Variants in ZFAT observed in about 807,000 individuals in gnomAD.
ZFAT encodes the protein zinc finger and AT-hook domain containing, also known as zinc finger protein ZFAT.
A neutral mutation model predicts 117.7 loss-of-function variants in ZFAT; 64 were observed. The observed-to-expected ratio is 0.54, with a 90% CI of 0.44 to 0.67. ZFAT has a LOEUF of 0.67. Ranked by LOEUF, ZFAT falls within the 30% of genes least tolerant of loss-of-function variation. The pLI is 0.00. For missense variants in ZFAT, 1,433 were observed against 1,584.5 expected, an observed-to-expected ratio of 0.90 and a Z score of 1.62; for synonymous variants, 679 against 615.0, an observed-to-expected ratio of 1.10 and a Z score of -1.54.
chr8:134,752,368 C>T, the ZFAT span, among the ~76,000 whole-genome samples: 3 of 152,334 alleles, frequency 2.0e-5, no homozygotes, highest in South Asian at 4.1e-4. Flanking sequence ...ACTTACCTCA[C>T]ATGGCACCCC....
intron 3 of ZFAT, among the ~76,000 whole-genome samples, chr8:134,617,503 A>G (rs1828830297): frequency 6.6e-6 from 1 of 152,184 alleles, no homozygotes. Flanking sequence ...ACAACACACT[A>G]AGAACCACGA....
the ZFAT span, among the ~76,000 whole-genome samples, chr8:134,816,484 A>G: frequency 6.7e-6 from 1 of 148,184 alleles, no homozygotes; most frequent in African/African-American, 2.5e-5. Flanking sequence ...AGTAAAAAGA[A>G]AAAAAAAAAA....
intron 8 of ZFAT, 133 bp from the exon 9 acceptor site, chr8:134,588,528 C>A: frequency 9.9e-7 from 1 of 1,013,144 alleles, no homozygotes; most frequent in Admixed American, 3.5e-5. Flanking sequence ...ACAGGATTTT[C>A]ACCTAAAAAG....
intron 11 of ZFAT, among the ~76,000 whole-genome samples, chr8:134,550,259 C>G (rs1269939892): frequency 7.2e-6 from 1 of 138,376 alleles, no homozygotes; most frequent in Non-Finnish European, 1.5e-5. Flanking sequence ...GATTTATAAA[C>G]CTGAGAACAT....
At chr8:134,669,095 G>C (rs1832416066) in intron 1 of ZFAT, among the ~76,000 whole-genome samples, 1 of 152,206 alleles carries the variant, frequency 6.6e-6, no homozygotes, top group Non-Finnish European at 1.5e-5. Flanking sequence ...AGAAATATGG[G>C]ACTATGTGAA....
At chr8:134,723,657 AC>A in the ZFAT span, 4 of 152,246 alleles carry the variant, frequency 2.6e-5, no homozygotes, top group East Asian at 7.7e-4. Flanking sequence ...ACCTGAAGAC[AC>A]CCCTTGAGGA....
intron 5 of ZFAT, among the ~76,000 whole-genome samples, chr8:134,607,153 TC>T (rs1466318125): frequency 6.6e-6 from 1 of 152,042 alleles, no homozygotes; most frequent in Admixed American, 6.6e-5. Flanking sequence ...TAGCTGAACC[TC>T]CCCGCCAACA....
At chr8:134,479,469 A>G (rs1025185169) in intron 15 of ZFAT, among the ~76,000 whole-genome samples, 3 of 152,180 alleles carry the variant, frequency 2.0e-5, no homozygotes, top group African/African-American at 4.8e-5. Flanking sequence ...CTAATATCCC[A>G]CATCCCTCAT....
intron 12 of ZFAT, 34 bp downstream of exon 12, chr8:134,532,800 G>T (rs374262156): frequency 6.2e-7 from 1 of 1,604,318 alleles, no homozygotes; most frequent in Admixed American, 1.7e-5. Flanking sequence ...AAAAGGAAGC[G>T]GGCAGGGCCC....
intron 15 of ZFAT, among the ~76,000 whole-genome samples, chr8:134,492,593 C>T (rs1818127615): frequency 6.6e-6 from 1 of 152,148 alleles, no homozygotes; most frequent in South Asian, 2.1e-4. Context: ...AAATTATAAC[C>T]AAGCAATAGC....
chr8:134,525,997 C>T (rs959804426), intron 12 of ZFAT, among the ~76,000 whole-genome samples: 1 of 152,106 alleles, frequency 6.6e-6, no homozygotes, highest in African/African-American at 2.4e-5. Context: ...ATGTCTTTTC[C>T]TTCAATCACC....
At chr8:134,808,192 G>T in the ZFAT span, among the ~76,000 whole-genome samples, 65 of 152,302 alleles carry the variant, frequency 4.3e-4, no homozygotes, top group African/African-American at 1.5e-3. Flanking sequence ...ATGCAGAAAC[G>T]TATGTAGTAT....
At chr8:134,486,627 G>A (rs533250241) in intron 15 of ZFAT, among the ~76,000 whole-genome samples, 64 of 152,300 alleles carry the variant, frequency 4.2e-4, no homozygotes, top group Middle Eastern at 3.4e-3. Flanking sequence ...CTCAGGATCA[G>A]TTCTCAGAAC....
intron 8 of ZFAT, among the ~76,000 whole-genome samples, chr8:134,589,006 AG>A (rs1826261409): frequency 6.6e-6 from 1 of 152,252 alleles, no homozygotes; most frequent in Non-Finnish European, 1.5e-5. Context: ...TCCTAGAAGA[AG>A]AAAAGTGTGT....
rs116793221 is a variant in ZFAT, at chr8:134,554,477, C to G, written c.2976+10856G>C. Among the ~76,000 whole-genome samples, 1,131 of 152,284 alleles carry G rather than the reference C, an allele frequency of 7.4e-3. 24 individuals carry two copies. Among genetic ancestry groups the G allele is most frequent in the African/African-American group, 0.026 (1,077 of 41,544 alleles). ...CCTACTTTTATCTCCAGCATAGTGA[C>G]CCATCAACCTCTTCCCTGTGAAATG... is the stretch of plus-strand genomic sequence containing the variant. On this transcript the variant is annotated intron_variant, in intron 11 of 15. Coordinates refer to ENST00000377838, the MANE Select transcript of ZFAT (RefSeq NM_020863.4).
chr8:134,512,525 G>A lies in ZFAT; in HGVS notation c.3311C>T (p.Thr1104Ile), dbSNP rs1303985469. Reference protein sequence around the residue: ...ITEAEEDVQGTQAAVAALQDL... With the variant: ...ITEAEEDVQGIQAAVAALQDL... ...CTGGAGCGCGGCCACCGCTGCCTGT[G>A]TCCCTTGAACGTCTTCTTCGGCCTC... Residue 1104 changes from threonine to isoleucine, a missense_variant, in exon 14 of 16, where the codon ACA becomes ATA. Physicochemically the swap from Thr to Ile is moderately conservative, Grantham distance 89. Transcript: ENST00000377838. 6.2e-7 allele frequency: 1 copy of A among 1,613,874 alleles called. No individual in the cohort carries two copies. Among genetic ancestry groups the A allele is most frequent in the African/African-American group, 1.3e-5 (1 of 74,938 alleles).
chr8:134,584,216 G>A (rs1410236034), intron 9 of ZFAT, among the ~76,000 whole-genome samples: 1 of 152,098 alleles, frequency 6.6e-6, no homozygotes, highest in Non-Finnish European at 1.5e-5. Context: ...CCTTCGTCCT[G>A]GGATGCCCTT....
At chr8:134,650,117 T>C (rs1831148992) in intron 2 of ZFAT, among the ~76,000 whole-genome samples, 1 of 151,822 alleles carries the variant, frequency 6.6e-6, no homozygotes, top group Admixed American at 6.6e-5. Flanking sequence ...TTTTCTTTTT[T>C]ATTTTTTTTC....
At chr8:134,621,664 T>C (rs1829122253) in intron 3 of ZFAT, among the ~76,000 whole-genome samples, 1 of 152,148 alleles carries the variant, frequency 6.6e-6, no homozygotes, top group Admixed American at 6.5e-5. Context: ...TTTTCCTGCT[T>C]TTTAGGCAAT....
Sources: allele counts gnomAD v4.1 joint callset (sites outside exome capture counted in the v4.1 genomes callset), GRCh38; gene constraint gnomAD v4.1.1; transcripts MANE v1.5; gene names NCBI Gene and HGNC (gene_info 2026-07-23, HGNC 2026-07-21).